CDH18: variants seen among roughly 807,000 people sequenced by gnomAD.
CDH18 encodes cadherin-18.
Under a neutral mutation model 67.9 loss-of-function variants are expected in CDH18, and 31 were observed. The ratio of observed to expected loss-of-function variants is 0.46; its 90% CI spans 0.34 to 0.62. The LOEUF is 0.62. Ranked by LOEUF, CDH18 falls within the 20% of genes least tolerant of loss-of-function variation. The pLI is 0.01. For synonymous variants in CDH18, 362 were observed against 347.2 expected, an observed-to-expected ratio of 1.04 and a Z score of -0.48; for missense variants, 890 against 975.5, an observed-to-expected ratio of 0.91 and a Z score of 1.17.
chr5:20,157,833 G>GT (rs1751660510), intron 2 of CDH18, among the ~76,000 whole-genome samples: 1 of 151,654 alleles, frequency 6.6e-6, no homozygotes, highest in South Asian at 2.1e-4. Flanking sequence ...GTAGAGATGG[G>GT]GTTTCACCAT....
At chr5:20,427,340 A>G (rs1748379646) in intron 1 of CDH18, among the ~76,000 whole-genome samples, 1 of 151,264 alleles carries the variant, frequency 6.6e-6, no homozygotes, top group African/African-American at 2.5e-5. Context: ...AGAAACAAAT[A>G]TTTGAAGACA....
intron 1 of CDH18, among the ~76,000 whole-genome samples, chr5:20,257,372 C>T (rs547380090): frequency 6.6e-6 from 1 of 151,978 alleles, no homozygotes; most frequent in Non-Finnish European, 1.5e-5. Flanking sequence ...CATGTGTAAG[C>T]ATGTGGGGAC....
chr5:19,628,736 G>T (rs1320549278), intron 5 of CDH18, among the ~76,000 whole-genome samples: 5 of 151,996 alleles, frequency 3.3e-5, no homozygotes, highest in Non-Finnish European at 5.9e-5. Context: ...ACATACACTG[G>T]TTTTTAGAGG....
rs146652877 is a variant in CDH18, at chr5:19,804,646, A to G, written c.228+34113T>C. The stretch of plus-strand genomic sequence containing the variant: ...ATTCCAGGGCCAGCAGGAAATTACT[A>G]ACCAATATAAACATCATTAAAACAG... On this transcript the variant is annotated intron_variant, in intron 3 of 12. Transcript: ENST00000382275. Among the ~76,000 whole-genome samples, 1,227 of 152,300 alleles carry G rather than the reference A, an allele frequency of 8.1e-3. 6 individuals carry two copies. Among genetic ancestry groups the G allele is most frequent in the African/African-American group, 0.017 (724 of 41,574 alleles).
At chr5:19,993,868 T>C (rs1800122020) in intron 2 of CDH18, among the ~76,000 whole-genome samples, 2 of 152,162 alleles carry the variant, frequency 1.3e-5, no homozygotes, top group Admixed American at 1.3e-4. Flanking sequence ...TCGGCTCATA[T>C]ATTTACGTAA....
chr5:20,544,398 A>ATG (rs1294455963), intron 1 of CDH18, among the ~76,000 whole-genome samples: 6 of 151,624 alleles, frequency 4.0e-5, no homozygotes, highest in Admixed American at 6.6e-5. Flanking sequence ...GTATATATAT[A>ATG]TCATATTAAT....
chr5:20,143,358 A>G (rs911193193), intron 2 of CDH18, among the ~76,000 whole-genome samples: 14 of 151,964 alleles, frequency 9.2e-5, no homozygotes, highest in Admixed American at 7.9e-4. Flanking sequence ...AACATTATTT[A>G]TTTATTTATT....
At chr5:19,803,096 G>T (rs1777641741) in intron 3 of CDH18, among the ~76,000 whole-genome samples, 1 of 152,146 alleles carries the variant, frequency 6.6e-6, no homozygotes, top group African/African-American at 2.4e-5. Context: ...TTAAGAAGGT[G>T]ATCTACTGAA....
In CDH18 at chr5:19,914,554, C is replaced by T. The variant is rs115202846; in HGVS notation, c.-257+66506G>A. 4.5e-3 allele frequency among the ~76,000 whole-genome samples: 683 copies of T among 152,068 alleles called. 6 individuals carry two copies. The highest frequency in any genetic ancestry group is 0.016 in the African/African-American group (653 of 41,508). On this transcript the variant is annotated intron_variant, in intron 2 of 12. Transcript: ENST00000382275. ...ACATATATGTGTATATATATACTCTCTTTACATATATGTATGTGTGAGTGT... is the reference window on the plus strand; with the variant it reads ...ACATATATGTGTATATATATACTCTTTTTACATATATGTATGTGTGAGTGT...
chr5:20,473,302 A>C (rs562526520), intron 1 of CDH18, among the ~76,000 whole-genome samples: 54 of 152,304 alleles, frequency 3.5e-4, no homozygotes, highest in African/African-American at 1.3e-3. Context: ...TTAACATTTC[A>C]ACTTACATCT....
At chr5:19,794,834 T>A (rs1045317765) in intron 3 of CDH18, among the ~76,000 whole-genome samples, 1 of 152,180 alleles carries the variant, frequency 6.6e-6, no homozygotes, top group Non-Finnish European at 1.5e-5. Context: ...TACACTCATT[T>A]TTCCCTATTC....
intron 11 of CDH18, chr5:19,502,544 T>A (rs1338129478): frequency 3.9e-6 from 1 of 258,246 alleles, no homozygotes; most frequent in Admixed American, 5.1e-5. Context: ...ACAATGCTTA[T>A]AATAACAAGA....
intron 2 of CDH18, among the ~76,000 whole-genome samples, chr5:20,250,130 A>G (rs1743719037): frequency 6.6e-6 from 1 of 152,194 alleles, no homozygotes; most frequent in South Asian, 2.1e-4. Flanking sequence ...ATTACGTGAG[A>G]TTTAATGTAA....
intron 2 of CDH18, among the ~76,000 whole-genome samples, chr5:19,911,996 T>G (rs754536981): frequency 6.6e-6 from 1 of 152,020 alleles, no homozygotes; most frequent in Admixed American, 6.6e-5. Context: ...AGATGTTAAG[T>G]AGTGGTATCA....
chr5:19,557,947 C>T (rs139138747), intron 8 of CDH18, among the ~76,000 whole-genome samples: 1,556 of 152,138 alleles, frequency 0.01, 29 homozygotes, highest in African/African-American at 0.032. Flanking sequence ...CAAGTACTCT[C>T]TCAAACCATA....
Position 19,653,849 on chromosome 5 carries a change from T to A in CDH18, c.644-41248A>T, listed in dbSNP as rs1402813271. Among the ~76,000 whole-genome samples the A allele has an allele frequency of 2.6e-5, 4 of 152,148 alleles. No individual in the cohort carries two copies. The South Asian group carries it at 8.3e-4, about 32-fold the overall frequency. On this transcript the variant is annotated intron_variant, in intron 5 of 12. Coordinates refer to ENST00000382275, the MANE Select transcript of CDH18 (RefSeq NM_004934.5). ...CTTGGCTCAAGGTAAACGGGAGAAT[T>A]CCATGCCTTTGCCTGAGAAGGGACT...
rs570537543 is a variant in CDH18, at chr5:20,020,400, A to G, written c.-517-28386T>C. On this transcript the variant is annotated intron_variant, in intron 2 of 14. Coordinates refer to the CDH18 transcript ENST00000507958. Reference sequence around the variant, plus strand: ...CTAAGACAATGGGGAAAATGCCTCAAAGGCATTTCAGAGACCTTCATGGCA... The same window carrying G: ...CTAAGACAATGGGGAAAATGCCTCAGAGGCATTTCAGAGACCTTCATGGCA... 3.3e-5 allele frequency among the ~76,000 whole-genome samples: 5 copies of G among 152,246 alleles called. No individual in the cohort carries two copies. In the South Asian group the frequency reaches 1.0e-3, roughly 32 times the overall value.
At chr5:20,097,737 G>T (rs552460067) in intron 2 of CDH18, among the ~76,000 whole-genome samples, 2 of 152,228 alleles carry the variant, frequency 1.3e-5, no homozygotes, top group African/African-American at 4.8e-5. Context: ...GATAATTAAT[G>T]TAATAATATT....
At chr5:19,567,574 T>C (rs1295607202) in intron 8 of CDH18, among the ~76,000 whole-genome samples, 1 of 152,146 alleles carries the variant, frequency 6.6e-6, no homozygotes, top group Non-Finnish European at 1.5e-5. Flanking sequence ...TTGTTTTTGT[T>C]AATGTTTTCT....
Sources: gnomAD v4.1 joint callset for allele counts (sites outside exome capture counted in the v4.1 genomes callset) on GRCh38, gnomAD v4.1.1 for gene constraint, MANE v1.5 for transcripts, NCBI Gene and HGNC (gene_info 2026-07-23, HGNC 2026-07-21) for gene names.